Variants in RNF170 observed in about 807,000 individuals in gnomAD.
RNF170 encodes the protein ring finger protein 170.
A neutral mutation model predicts 32.7 loss-of-function variants in RNF170; 12 were observed. The observed-to-expected ratio is 0.37, with a 90% CI of 0.24 to 0.60. The LOEUF is 0.60. Ranked by LOEUF, RNF170 falls within the 20% of genes least tolerant of loss-of-function variation. The probability of loss-of-function intolerance (pLI) is 0.72; values close to 1 mark genes in which losing one functional copy is unlikely to be tolerated. For synonymous variants in RNF170, 91 were observed against 103.6 expected (o/e 0.88, Z 0.74); for missense variants, 212 against 311.2 (o/e 0.68, Z 2.40).
chr8:42,857,371 T>C (rs772988243), intron 6 of RNF170, among the ~76,000 whole-genome samples: 24 of 152,254 alleles, frequency 1.6e-4, no homozygotes, highest in Admixed American at 1.6e-3. Context: ...AGAACTAATA[T>C]CTAAAGCAAA....
Position 42,854,746 on chromosome 8 carries a change from A to G in RNF170, c.*1413T>C, listed in dbSNP as rs1236303664. On this transcript the variant is annotated 3_prime_UTR_variant, in exon 7 of 7. Coordinates refer to ENST00000527424, the MANE Select transcript of RNF170 (RefSeq NM_030954.4). ...AGTGATCTCAGATGACAATGCTAAC[A>G]CTGACTCCTGGGCATCCCCTCACAT... The G allele has an allele frequency of 1.6e-5, 20 of 1,287,456 alleles. No individual in the cohort carries two copies. The highest frequency in any genetic ancestry group is 1.9e-5 in the Non-Finnish European group (19 of 988,688). The allele number at this position is 1,287,456 out of a possible 1,614,324, so 79.8% of individuals were successfully genotyped here.
intron 5 of RNF170, among the ~76,000 whole-genome samples, chr8:42,862,858 T>G (rs2128927665): frequency 6.6e-6 from 1 of 152,252 alleles, no homozygotes; most frequent in East Asian, 1.9e-4. Context: ...AAAAGCCTGC[T>G]CCAGGGTGAC....
chr8:42,878,849 C>A (rs2128942975), intron 2 of RNF170, among the ~76,000 whole-genome samples: 1 of 152,312 alleles, frequency 6.6e-6, no homozygotes, highest in South Asian at 2.1e-4. Context: ...TTATTAGGGG[C>A]TAATGCAACT....
At chr8:42,896,933 G>C, upstream of RNF170, 1 of 386,400 alleles carries the variant, frequency 2.6e-6, no homozygotes, top group Non-Finnish European at 4.5e-6. Context: ...GCTGGCGCGC[G>C]GTCCCGAGTG....
intron 2 of RNF170, among the ~76,000 whole-genome samples, chr8:42,877,056 C>T (rs1041551890): frequency 4.7e-5 from 7 of 149,982 alleles, no homozygotes; most frequent in Non-Finnish European, 1.0e-4. Context: ...CGGGTTCATG[C>T]CATTCTCCTG....
intron 4 of RNF170, among the ~76,000 whole-genome samples, chr8:42,866,148 G>A (rs1804062340): frequency 6.6e-6 from 1 of 151,954 alleles, no homozygotes; most frequent in Non-Finnish European, 1.5e-5. Flanking sequence ...ACAAATCAGA[G>A]CATAAATTTT....
chr8:42,852,077 G>C (rs1802955573), downstream of RNF170, among the ~76,000 whole-genome samples: 1 of 152,212 alleles, frequency 6.6e-6, no homozygotes, highest in African/African-American at 2.4e-5. Flanking sequence ...TTGTCACCTG[G>C]GAGGTGCAGG....
At chr8:42,856,470 G>A in intron 6 of RNF170, 42 bp from the exon 7 acceptor site, 2 of 1,362,530 alleles carry the variant, frequency 1.5e-6, no homozygotes, top group Non-Finnish European at 2.1e-6. Flanking sequence ...AGCACCTAAT[G>A]TGTCAGATTT....
upstream of RNF170, chr8:42,897,080 C>G (rs898851249): frequency 9.4e-5 from 115 of 1,219,546 alleles, no homozygotes; most frequent in Middle Eastern, 4.6e-4. Flanking sequence ...CCCGACAGAG[C>G]GGCGGCGGTG....
At chr8:42,887,659 A>G in intron 2 of RNF170, 69 bp downstream of exon 2, 1 of 1,347,040 alleles carries the variant, frequency 7.4e-7, no homozygotes, top group South Asian at 1.2e-5. Context: ...TAAGTATTAT[A>G]CATTATTAGG....
intron 2 of RNF170, among the ~76,000 whole-genome samples, chr8:42,879,587 G>A (rs1393287450): frequency 6.6e-6 from 1 of 152,110 alleles, no homozygotes. Flanking sequence ...GGGGGCGGTG[G>A]TTGCAGTGAG....
rs1404877836 is a variant in RNF170 at position 42,876,992 on chromosome 8, C to T, written c.138-2986G>A. Among the ~76,000 whole-genome samples the T allele has an allele frequency of 1.2e-4, 16 of 137,208 alleles. No individual in the cohort carries two copies. The East Asian group carries it at 2.8e-3, about 24-fold the overall frequency. 90.0% of individuals were successfully genotyped at this position (137,208 alleles called of 152,430 possible). A position where few individuals can be genotyped will look rare whatever the true frequency, so the allele number is the denominator to read the frequency against. ...TTTTTGAGACAGAGTCTTGTTCTGT[C>T]GTCCAGGCTGGGGTGCAGTGGCGCC... On this transcript the variant is annotated intron_variant, in intron 2 of 6. Coordinates refer to ENST00000527424, the MANE Select transcript of RNF170 (RefSeq NM_030954.4).
intron 1 of RNF170, among the ~76,000 whole-genome samples, chr8:42,893,240 A>G (rs1164490975): frequency 6.6e-6 from 1 of 152,208 alleles, no homozygotes; most frequent in Non-Finnish European, 1.5e-5. Context: ...AGAACATGGG[A>G]TGTAATCTAT....
chr8:42,860,211 C>G (rs1484794124), intron 6 of RNF170, among the ~76,000 whole-genome samples: 1 of 152,092 alleles, frequency 6.6e-6, no homozygotes, highest in East Asian at 1.9e-4. Context: ...CTGGGCTGTC[C>G]ATATAAATTT....
chr8:42,885,340 T>C (rs1333632659), intron 2 of RNF170, among the ~76,000 whole-genome samples: 1 of 152,240 alleles, frequency 6.6e-6, no homozygotes, highest in Non-Finnish European at 1.5e-5. Context: ...TTTCAGCTAC[T>C]GTAAATACTG....
intron 1 of RNF170, among the ~76,000 whole-genome samples, chr8:42,890,875 T>C (rs554091355): frequency 2.6e-5 from 4 of 152,252 alleles, no homozygotes; most frequent in African/African-American, 9.6e-5. Flanking sequence ...CAACTGCAGG[T>C]GCTAGTGGCT....
At chr8:42,881,687 C>T (rs116867503) in intron 2 of RNF170, among the ~76,000 whole-genome samples, 2,319 of 152,288 alleles carry the variant, frequency 0.015, 31 homozygotes, top group Non-Finnish European at 0.022. Flanking sequence ...GTAACTTCCG[C>T]ACTTTGGGAG....
At chr8:42,896,896 C>T (rs1015920017), upstream of RNF170, 25 of 356,504 alleles carry the variant, frequency 7.0e-5, no homozygotes, top group African/African-American at 5.1e-4. Flanking sequence ...GGACGCGGGG[C>T]GGCGGGCGTG....
rs767408538 is a variant in RNF170 at position 42,896,490 on chromosome 8, A to C, written c.-14T>G. On this transcript the variant is annotated 5_prime_UTR_variant, in exon 1 of 7. Coordinates refer to ENST00000527424, the MANE Select transcript of RNF170 (RefSeq NM_030954.4). ...CGCCGCGCGCCGGACGTACCTCTCC[A>C]CCGCGAAGGAACTACCTCGCCAGTT... The C allele has an allele frequency of 2.2e-6, 1 of 453,804 alleles. No individual in the cohort carries two copies. Among genetic ancestry groups the C allele is most frequent in the South Asian group, 1.6e-5 (1 of 64,464 alleles). The allele number at this position is 453,804 out of a possible 1,614,324, so 28.1% of individuals were successfully genotyped here.
Sources: gnomAD v4.1 joint callset for allele counts (sites outside exome capture counted in the v4.1 genomes callset) on GRCh38, gnomAD v4.1.1 for gene constraint, MANE v1.5 for transcripts, NCBI Gene and HGNC (gene_info 2026-07-23, HGNC 2026-07-21) for gene names.